Variants in WASF2 observed in about 807,000 individuals in gnomAD.
WASF2 encodes actin-binding protein WASF2.
WASF2 carries 14 observed loss-of-function variants against 45.0 expected under a neutral mutation model. The observed-to-expected ratio is 0.31, with a 90% confidence interval of 0.21 to 0.49. WASF2 has a LOEUF of 0.49. Among genes scored for constraint, WASF2 ranks in the 20% least tolerant of loss-of-function variants. The pLI is 0.99. For synonymous variants in WASF2, 200 were observed against 236.3 expected (o/e 0.85, Z 1.41); for missense variants, 439 against 636.1 (o/e 0.69, Z 3.33).
intron 1 of WASF2, among the ~76,000 whole-genome samples, chr1:27,464,327 A>G (rs2017586914): frequency 6.6e-6 from 1 of 152,062 alleles, no homozygotes; most frequent in Non-Finnish European, 1.5e-5. Flanking sequence ...GTTAGGTTAC[A>G]GTGAGCCAAG....
chr1:27,443,151 G>A (rs996399171), intron 1 of WASF2, among the ~76,000 whole-genome samples: 1 of 148,518 alleles, frequency 6.7e-6, no homozygotes, highest in African/African-American at 2.5e-5. Context: ...GCAACACAGT[G>A]AGACCCTGTT....
intron 1 of WASF2, among the ~76,000 whole-genome samples, chr1:27,481,211 G>A (rs1032813753): frequency 7.3e-5 from 11 of 151,686 alleles, no homozygotes; most frequent in Non-Finnish European, 1.5e-4. Flanking sequence ...GGCTGAGGCA[G>A]GAGAATCACT....
chr1:27,477,360 C>T (rs1268716646), intron 1 of WASF2, among the ~76,000 whole-genome samples: 1 of 151,376 alleles, frequency 6.6e-6, no homozygotes, highest in Non-Finnish European at 1.5e-5. Flanking sequence ...GCCAACATGG[C>T]GAAATCCCAT....
Position 27,414,570 on chromosome 1 carries a change from C to A in WASF2, c.668+263G>T, listed in dbSNP as rs540057144. Among the ~76,000 whole-genome samples, 1 of 152,170 alleles carries A rather than the reference C, an allele frequency of 6.6e-6. No homozygotes were observed. The highest frequency in any genetic ancestry group is 1.9e-4 in the East Asian group (1 of 5,204). The stretch of plus-strand genomic sequence containing the variant: ...CTCTGGGGCCCTTAGATGTGTATCT[C>A]GCAGAGTAAGGGCACTAGGAGCCAT... On this transcript the variant is annotated intron_variant, in intron 6 of 8. Coordinates refer to ENST00000618852, the MANE Select transcript of WASF2 (RefSeq NM_006990.5). The surrounding 1 kb of genome is among the most constrained non-coding windows in gnomAD (Gnocchi z 4.1).
chr1:27,418,846 C>T (rs530362978), intron 3 of WASF2, 108 bp downstream of exon 3: 1 of 1,358,974 alleles, frequency 7.4e-7, no homozygotes, highest in South Asian at 1.5e-5. Context: ...CTCTATAGGT[C>T]TCTGTGATTT....
intron 2 of WASF2, among the ~76,000 whole-genome samples, chr1:27,424,012 T>C (rs779462977): frequency 5.3e-5 from 8 of 152,218 alleles, no homozygotes; most frequent in Non-Finnish European, 1.2e-4. Flanking sequence ...TGTGCCTGTA[T>C]TTCCTAAGAT....
chr1:27,477,493 TC>T (rs2017781347), intron 1 of WASF2, among the ~76,000 whole-genome samples: 1 of 152,202 alleles, frequency 6.6e-6, no homozygotes, highest in South Asian at 2.1e-4. Flanking sequence ...TGAGCAGAGA[TC>T]ATGCCACTGC....
chr1:27,472,027 T>A (rs1251867630), intron 1 of WASF2, among the ~76,000 whole-genome samples: 1 of 152,162 alleles, frequency 6.6e-6, no homozygotes, highest in East Asian at 1.9e-4. Flanking sequence ...GCAACTGGAT[T>A]AATCTTTTAA....
intron 2 of WASF2, among the ~76,000 whole-genome samples, 197 bp from the exon 3 acceptor site, chr1:27,419,285 A>C (rs1049858855): frequency 6.6e-6 from 1 of 152,252 alleles, no homozygotes; most frequent in African/African-American, 2.4e-5. Context: ...GGAAGCCTGC[A>C]TATGTTCTAT....
intron 1 of WASF2, among the ~76,000 whole-genome samples, chr1:27,436,546 A>G (rs139685546): frequency 7.5e-4 from 115 of 152,374 alleles, no homozygotes; most frequent in African/African-American, 2.5e-3. Flanking sequence ...TTGACTTCAA[A>G]ATGACAGACA....
At chr1:27,436,674 T>C in intron 1 of WASF2, among the ~76,000 whole-genome samples, 1 of 152,192 alleles carries the variant, frequency 6.6e-6, no homozygotes, top group East Asian at 1.9e-4. Flanking sequence ...CACTTCATTA[T>C]AAGCTTAGGC....
At chr1:27,430,636 G>A (rs1008842886) in intron 1 of WASF2, among the ~76,000 whole-genome samples, 3 of 151,748 alleles carry the variant, frequency 2.0e-5, no homozygotes, top group Non-Finnish European at 2.9e-5. Context: ...GAGCCACCAC[G>A]CCCAGCCTTT....
chr1:27,429,497 C>T (rs762452755), intron 1 of WASF2, among the ~76,000 whole-genome samples: 4 of 152,176 alleles, frequency 2.6e-5, no homozygotes, highest in African/African-American at 9.7e-5. Flanking sequence ...ACCACTAGGC[C>T]GGGCATGGTG....
At chr1:27,436,090 T>A (rs1218981486) in intron 1 of WASF2, among the ~76,000 whole-genome samples, 2 of 152,204 alleles carry the variant, frequency 1.3e-5, no homozygotes, top group African/African-American at 4.8e-5. Flanking sequence ...GCACTTTGGA[T>A]GGGGACATAT....
At chr1:27,428,981 C>A (rs1030057724) in intron 1 of WASF2, 48 bp from the exon 2 acceptor site, 93 of 1,446,850 alleles carry the variant, frequency 6.4e-5, no homozygotes, top group Non-Finnish European at 8.8e-5. Flanking sequence ...AAATTCCAGG[C>A]ACACTAGGGC....
intron 1 of WASF2, chr1:27,459,212 G>C (rs1380936663): frequency 6.6e-6 from 1 of 152,132 alleles, no homozygotes; most frequent in Non-Finnish European, 1.5e-5. Context: ...GCAGTCTGCA[G>C]TGCAGTGGTG....
At chr1:27,466,644 G>A (rs1473908090) in intron 1 of WASF2, among the ~76,000 whole-genome samples, 1 of 152,214 alleles carries the variant, frequency 6.6e-6, no homozygotes, top group Non-Finnish European at 1.5e-5. Context: ...GAGGTGAGAG[G>A]ATGGCTTGAG....
chr1:27,430,078 T>C (rs541872534), intron 1 of WASF2, among the ~76,000 whole-genome samples: 25 of 152,318 alleles, frequency 1.6e-4, no homozygotes, highest in African/African-American at 6.0e-4. Context: ...CTGAGCCCCT[T>C]TCCCTAGGAA....
intron 1 of WASF2, among the ~76,000 whole-genome samples, chr1:27,435,811 G>A (rs1329091591): frequency 6.6e-6 from 1 of 152,220 alleles, no homozygotes; most frequent in Non-Finnish European, 1.5e-5. Flanking sequence ...ATTACTAGCT[G>A]TTCATGACAA....
Sources: allele counts gnomAD v4.1 joint callset (sites outside exome capture counted in the v4.1 genomes callset), GRCh38; gene constraint gnomAD v4.1.1; non-coding constraint Gnocchi (gnomAD v3.1); transcripts MANE v1.5; gene names NCBI Gene and HGNC (gene_info 2026-07-23, HGNC 2026-07-21).